The following DENND3 variants were observed in gnomAD, a reference collection of about 807,000 sequenced individuals.
The protein encoded by DENND3 is DENN domain containing 3.
In DENND3, 88 loss-of-function variants were observed where a neutral mutation model predicts 135.1. The ratio of observed to expected loss-of-function variants is 0.65; its 90% CI spans 0.55 to 0.78. DENND3 has a LOEUF of 0.78. DENND3 is among the 30% of genes least tolerant of loss of function. The pLI, the probability that DENND3 is intolerant of heterozygous loss-of-function variation, is 0.00. For missense variants in DENND3, 1,392 were observed against 1,688.4 expected, an observed-to-expected ratio of 0.82 and a Z score of 3.08; for synonymous variants, 693 against 712.3, an observed-to-expected ratio of 0.97 and a Z score of 0.43.
At chr8:141,181,471 G>A (rs755868773) in intron 17 of DENND3, among the ~76,000 whole-genome samples, 6 of 152,216 alleles carry the variant, frequency 3.9e-5, no homozygotes, top group Admixed American at 6.5e-5. Context: ...GTGTGGCCCT[G>A]AGCGGCCCTG....
intron 21 of DENND3, 31 bp from the exon 22 acceptor site, chr8:141,192,495 C>T (rs1824885517): frequency 1.2e-6 from 2 of 1,611,148 alleles, no homozygotes; most frequent in East Asian, 2.2e-5. Flanking sequence ...TGGCCCGGGG[C>T]CCATAGCCCA....
Position 141,128,907 on chromosome 8 carries a change from G to C in DENND3, c.102+98G>C. ...CCCGGGTGCCCTGTGGGTTGGCGCG[G>C]ACTTTCCGAGGGCTGAGTCCCGGTC... On this transcript the variant is annotated intron_variant, in intron 1 of 22. Transcript: ENST00000519811. This position sits in a 1 kb window ranked among gnomAD's most constrained non-coding sequence, Gnocchi z 4.5. 1.1e-6 allele frequency: 1 copy of C among 910,390 alleles called. No individual in the cohort carries two copies. The highest frequency in any genetic ancestry group is 1.5e-6 in the Non-Finnish European group (1 of 670,848). The allele number at this position is 910,390 out of a possible 1,614,324, so 56.4% of individuals were successfully genotyped here.
intron 17 of DENND3, chr8:141,184,937 C>G: frequency 1.7e-6 from 1 of 574,614 alleles, no homozygotes; most frequent in Non-Finnish European, 2.9e-6. Flanking sequence ...TTGTGGCCCT[C>G]TCACCAGCCA....
intron 5 of DENND3, among the ~76,000 whole-genome samples, chr8:141,145,806 TATA>T (rs1817960590): frequency 1.3e-4 from 1 of 7,506 alleles, no homozygotes; most frequent in East Asian, 5.0e-3. Context: ...TTGAATATTA[TATA>T]TATATATATA....
In DENND3 at chr8:141,185,251, C is replaced by G; in HGVS notation, c.3057C>G (p.His1019Gln). The G allele has an allele frequency of 6.2e-7, 1 of 1,614,238 alleles. No individual in the cohort carries two copies. Among genetic ancestry groups the G allele is most frequent in the Non-Finnish European group, 8.5e-7 (1 of 1,180,036 alleles). ...FNASSWTIHQ[H>Q]SFKVGTAKVN... is the part of the protein sequence containing the mutation. The stretch of plus-strand genomic sequence containing the variant: ...CTTCTTCATGGACCATCCACCAGCA[C>G]TCCTTTAAAGTGGGCACTGCAAAAG... The change falls in exon 18 of 23, where the codon CAC becomes CAG. Residue 1019 changes from histidine to glutamine, a missense_variant. Transcript: ENST00000519811.
At chr8:141,136,225 G>A (rs1035075253) in intron 1 of DENND3, among the ~76,000 whole-genome samples, 6 of 152,192 alleles carry the variant, frequency 3.9e-5, no homozygotes, top group African/African-American at 1.2e-4. Flanking sequence ...ATCCCAGTCC[G>A]CAGCCTGGAC....
intron 1 of DENND3, among the ~76,000 whole-genome samples, chr8:141,136,004 G>T (rs960898332): frequency 1.3e-5 from 2 of 152,220 alleles, no homozygotes; most frequent in Admixed American, 6.5e-5. Context: ...ATGTGTATGT[G>T]TGGGGTTTGA....
rs1240905304 is a variant in DENND3 at position 141,168,582 on chromosome 8, C to G, written c.2275+57C>G. The G allele has an allele frequency of 6.5e-7, 1 of 1,539,800 alleles. No individual in the cohort carries two copies. Among genetic ancestry groups the G allele is most frequent in the Non-Finnish European group, 8.8e-7 (1 of 1,141,058 alleles). On this transcript the variant is annotated intron_variant, in intron 13 of 22. Coordinates refer to ENST00000519811, the MANE Select transcript of DENND3 (RefSeq NM_001352890.3). The surrounding 1 kb of genome is among the most constrained non-coding windows in gnomAD (Gnocchi z 6.2). ...TATTATTTAGAGACAGGGTCTGGCTCTGTCGCCCAGGCTGGAGTGGACTGG... is the reference window on the plus strand; with the variant it reads ...TATTATTTAGAGACAGGGTCTGGCTGTGTCGCCCAGGCTGGAGTGGACTGG...
At chr8:141,181,501 T>A (rs1245759112) in intron 17 of DENND3, among the ~76,000 whole-genome samples, 1 of 152,196 alleles carries the variant, frequency 6.6e-6, no homozygotes, top group East Asian at 1.9e-4. Context: ...CAGTCCCTCT[T>A]CTCCGCTGGG....
chr8:141,194,318 A>AG lies in DENND3; in HGVS notation c.*89dup. ...GAGCCTGCCAGGAGCAGAAGCCTGG[A>AG]GGGGTGGCAGGGCAGAGCAGCCCAG... On this transcript the variant is annotated 3_prime_UTR_variant, in exon 23 of 23. Transcript: ENST00000519811. 1 of 1,489,942 alleles carries AG rather than the reference A, an allele frequency of 6.7e-7. No homozygotes were observed. The allele number at this position is 1,489,942 out of a possible 1,614,324, so 92.3% of individuals were successfully genotyped here.
chr8:141,172,445 C>T (rs1821743043), intron 13 of DENND3, among the ~76,000 whole-genome samples: 1 of 152,176 alleles, frequency 6.6e-6, no homozygotes, highest in Non-Finnish European at 1.5e-5. Flanking sequence ...AGCGCCCTCA[C>T]ACTGAGGTCA....
At position 141,194,174 on chromosome 8, in the gene DENND3, T is replaced by A; in HGVS notation, c.3778T>A (p.Tyr1260Asn). The part of the protein sequence containing the change: ...VRTLCSAEDR[Y>N]VLSGSGREEG... ...GACGCTGTGCTCGGCTGAGGACAGA[T>A]ACGTGCTGAGTGGGTCGGGCAGGGA... is the stretch of plus-strand genomic sequence containing the variant. The change falls in exon 23 of 23, where the codon TAC becomes AAC. Residue 1260 changes from tyrosine to asparagine, a missense_variant. By Grantham distance (143) the Tyr-to-Asn change is moderately radical (BLOSUM62 -2). Transcript: ENST00000519811. 3 of 1,613,616 alleles carry A rather than the reference T, an allele frequency of 1.9e-6. No homozygotes were observed. Among genetic ancestry groups the A allele is most frequent in the Non-Finnish European group, 2.5e-6 (3 of 1,179,960 alleles).
intron 8 of DENND3, chr8:141,158,130 C>T: frequency 7.8e-7 from 1 of 1,285,054 alleles, no homozygotes; most frequent in Non-Finnish European, 1.0e-6. Flanking sequence ...AGCGATGGTC[C>T]TGCACAGGCA....
intron 17 of DENND3, among the ~76,000 whole-genome samples, chr8:141,183,137 A>T (rs1264047110): frequency 6.6e-6 from 1 of 152,244 alleles, no homozygotes. Context: ...TCTAGGTGAT[A>T]GGGTAGAAGA....
intron 18 of DENND3, chr8:141,188,718 G>A: frequency 2.4e-6 from 1 of 423,120 alleles, no homozygotes; most frequent in South Asian, 3.5e-5. Context: ...CGCAGTGACA[G>A]TGCTGGCGGC....
At chr8:141,132,219 C>T (rs772901313) in intron 1 of DENND3, among the ~76,000 whole-genome samples, 35 of 151,962 alleles carry the variant, frequency 2.3e-4, no homozygotes, top group African/African-American at 4.6e-4. Flanking sequence ...CAAAATTATA[C>T]GTTTATACAT....
chr8:141,133,290 G>A (rs1054737937), intron 1 of DENND3, among the ~76,000 whole-genome samples: 4 of 149,518 alleles, frequency 2.7e-5, no homozygotes, highest in African/African-American at 1.0e-4. Context: ...GGAGCGAGCT[G>A]GCCTGCTGCT....
intron 18 of DENND3, among the ~76,000 whole-genome samples, chr8:141,185,740 C>T (rs1041538391): frequency 6.6e-6 from 1 of 151,586 alleles, no homozygotes; most frequent in African/African-American, 2.4e-5. Context: ...GTGGTAGGAT[C>T]GCTGAGCCTG....
At chr8:141,140,731 C>T (rs922818214) in intron 3 of DENND3, among the ~76,000 whole-genome samples, 3 of 152,206 alleles carry the variant, frequency 2.0e-5, no homozygotes, top group African/African-American at 7.2e-5. Context: ...GTTGGTGAGC[C>T]CCAAATACTT....
Sources: allele counts gnomAD v4.1 joint callset (sites outside exome capture counted in the v4.1 genomes callset), GRCh38; gene constraint gnomAD v4.1.1; non-coding constraint Gnocchi (gnomAD v3.1); transcripts MANE v1.5; gene names NCBI Gene and HGNC (gene_info 2026-07-23, HGNC 2026-07-21).